The following SLC4A10 variants were observed in gnomAD, a reference collection of about 807,000 sequenced individuals.
The protein encoded by SLC4A10 is solute carrier family 4 member 10.
In SLC4A10, 42 loss-of-function variants were observed where a neutral mutation model predicts 137.7. The ratio of observed to expected loss-of-function variants is 0.30; its 90% CI spans 0.24 to 0.39. The LOEUF (loss-of-function observed/expected upper bound fraction) is 0.39, where lower values mean the gene tolerates loss of function less well. Ranked by LOEUF, SLC4A10 falls within the 10% of genes least tolerant of loss-of-function variation. The pLI, the probability that SLC4A10 is intolerant of heterozygous loss-of-function variation, is 1.00. For missense variants in SLC4A10, 925 were observed against 1,355.0 expected, an observed-to-expected ratio of 0.68 and a Z score of 4.98; for synonymous variants, 474 against 464.1, an observed-to-expected ratio of 1.02 and a Z score of -0.27.
intron 1 of SLC4A10, among the ~76,000 whole-genome samples, chr2:161,645,632 C>T (rs539857976): frequency 6.6e-6 from 1 of 152,054 alleles, no homozygotes; most frequent in South Asian, 2.1e-4. Flanking sequence ...TTGGATAAAG[C>T]CTGCAGTAGG....
intron 6 of SLC4A10, among the ~76,000 whole-genome samples, chr2:161,863,668 A>G (rs972897712): frequency 6.6e-6 from 1 of 152,146 alleles, no homozygotes; most frequent in African/African-American, 2.4e-5. Context: ...TCATAAACCA[A>G]CATAGATGAC....
chr2:161,844,029 A>G (rs562059785), intron 4 of SLC4A10, among the ~76,000 whole-genome samples: 2 of 152,250 alleles, frequency 1.3e-5, no homozygotes, highest in African/African-American at 4.8e-5. Flanking sequence ...ACACAATTAC[A>G]ATGTCCTGCT....
intron 1 of SLC4A10, among the ~76,000 whole-genome samples, chr2:161,630,345 A>G (rs143496650): frequency 3.3e-5 from 5 of 151,906 alleles, no homozygotes; most frequent in Non-Finnish European, 7.4e-5. Flanking sequence ...GGCCTCACAT[A>G]CTGAGTTAGG....
At chr2:161,649,028 G>A (rs2036445805) in intron 1 of SLC4A10, among the ~76,000 whole-genome samples, 1 of 152,108 alleles carries the variant, frequency 6.6e-6, no homozygotes, top group African/African-American at 2.4e-5. Flanking sequence ...TTTTTATGCA[G>A]TTTTTGAGAT....
At chr2:161,962,420 GA>G (rs1379041578) in intron 21 of SLC4A10, among the ~76,000 whole-genome samples, 1 of 152,058 alleles carries the variant, frequency 6.6e-6, no homozygotes, top group African/African-American at 2.4e-5. Flanking sequence ...TAGTTCTATA[GA>G]AAAGGAAATA....
intron 15 of SLC4A10, among the ~76,000 whole-genome samples, chr2:161,929,486 TGGCAG>T (rs1196658537): frequency 6.6e-6 from 1 of 152,232 alleles, no homozygotes; most frequent in Non-Finnish European, 1.5e-5. Flanking sequence ...AGAGAGCATA[TGGCAG>T]TTTCAACAAG....
intron 15 of SLC4A10, among the ~76,000 whole-genome samples, chr2:161,935,483 A>T (rs952601730): frequency 8.4e-4 from 128 of 152,156 alleles, no homozygotes; most frequent in African/African-American, 2.9e-3. Flanking sequence ...TGGATATTTT[A>T]AATATCAGTT....
chr2:161,820,182 C>T (rs1299067779), intron 3 of SLC4A10, among the ~76,000 whole-genome samples: 3 of 152,156 alleles, frequency 2.0e-5, no homozygotes, highest in Non-Finnish European at 4.4e-5. Flanking sequence ...TGTGCACACT[C>T]TTTAGGAGAA....
chr2:161,872,546 T>G (rs577163247), intron 7 of SLC4A10, among the ~76,000 whole-genome samples, 162 bp downstream of exon 7: 1 of 90,900 alleles, frequency 1.1e-5, no homozygotes, highest in East Asian at 2.8e-4. Flanking sequence ...ACATGTAACA[T>G]TTTGCCTATT....
chr2:161,933,203 C>CTT (rs71009347), intron 15 of SLC4A10, among the ~76,000 whole-genome samples: 1 of 115,810 alleles, frequency 8.6e-6, no homozygotes, highest in Non-Finnish European at 1.8e-5. Flanking sequence ...TTCTTTCTTT[C>CTT]TTTCTTTCTT....
chr2:161,783,298 C>A (rs867482623), intron 2 of SLC4A10, among the ~76,000 whole-genome samples: 1 of 151,972 alleles, frequency 6.6e-6, no homozygotes, highest in Non-Finnish European at 1.5e-5. Flanking sequence ...GAGATAAAGT[C>A]TTTTCCAGAC....
intron 2 of SLC4A10, among the ~76,000 whole-genome samples, chr2:161,789,592 A>G (rs554121692): frequency 1.3e-4 from 20 of 152,160 alleles, no homozygotes; most frequent in Non-Finnish European, 2.5e-4. Flanking sequence ...CTACTATATC[A>G]CTAGGTGACA....
chr2:161,793,141 T>A (rs2054383748), intron 2 of SLC4A10, among the ~76,000 whole-genome samples: 1 of 152,142 alleles, frequency 6.6e-6, no homozygotes, highest in Non-Finnish European at 1.5e-5. Flanking sequence ...TCATTCTTTT[T>A]CAGAAATTTT....
chr2:161,860,174 A>C (rs1391890463), intron 5 of SLC4A10, among the ~76,000 whole-genome samples: 5 of 152,228 alleles, frequency 3.3e-5, no homozygotes, highest in Non-Finnish European at 7.3e-5. Flanking sequence ...ATAATTTGAT[A>C]CAGTTATACT....
At chr2:161,910,981 G>A (rs1241342299) in intron 15 of SLC4A10, among the ~76,000 whole-genome samples, 1 of 151,332 alleles carries the variant, frequency 6.6e-6, no homozygotes, top group African/African-American at 2.4e-5. Context: ...CATACATTAA[G>A]TATCACTTAA....
chr2:161,750,301 T>G (rs2048834360), intron 1 of SLC4A10, among the ~76,000 whole-genome samples: 1 of 151,868 alleles, frequency 6.6e-6, no homozygotes. Flanking sequence ...GGGTTTAGTC[T>G]GTTCTACCTT....
intron 4 of SLC4A10, among the ~76,000 whole-genome samples, chr2:161,848,375 T>C (rs2059625004): frequency 6.6e-6 from 1 of 152,184 alleles, no homozygotes; most frequent in South Asian, 2.1e-4. Flanking sequence ...AAAAGCTCTT[T>C]AGGTCAATTA....
chr2:161,934,094 G>A (rs1691127557), intron 15 of SLC4A10, among the ~76,000 whole-genome samples: 1 of 152,132 alleles, frequency 6.6e-6, no homozygotes, highest in Non-Finnish European at 1.5e-5. Context: ...ATTTTGATGT[G>A]TAATGATCAC....
Position 161,640,638 on chromosome 2 carries a change from TTCCTTCCTTCCTTCCTTCC to T in SLC4A10, c.48+16074_48+16092del, listed in dbSNP as rs1230879943. Among the ~76,000 whole-genome samples the T allele has an allele frequency of 4.2e-3, 620 of 147,606 alleles. 10 individuals carry two copies. The highest frequency in any genetic ancestry group is 0.013 in the African/African-American group (524 of 39,580). The stretch of plus-strand genomic sequence containing the variant: ...CTTCCTTCCTTCCTTCCTTCCTTCC[TTCCTTCCTTCCTTCCTTCC>T]TTCTTTCTTTTTGAGATGGGGTCTT... On this transcript the variant is annotated intron_variant, in intron 1 of 26. Transcript: ENST00000446997.
Sources: gnomAD v4.1 joint callset for allele counts (sites outside exome capture counted in the v4.1 genomes callset) on GRCh38, gnomAD v4.1.1 for gene constraint, MANE v1.5 for transcripts, NCBI Gene and HGNC (gene_info 2026-07-23, HGNC 2026-07-21) for gene names.